The following SUFU variants were observed in gnomAD, a reference collection of about 807,000 sequenced individuals.
The protein encoded by SUFU is suppressor of fused homolog.
A neutral mutation model predicts 58.9 loss-of-function variants in SUFU; 7 were observed. The observed-to-expected ratio is 0.12, with a 90% CI of 0.07 to 0.22. The LOEUF is 0.22. Ranked by LOEUF, SUFU falls within the 10% of genes least tolerant of loss-of-function variation. SUFU has a pLI of 1.00. For missense variants in SUFU, 451 were observed against 641.3 expected (o/e 0.70, Z 3.20); for synonymous variants, 232 against 254.8 (o/e 0.91, Z 0.85).
rs529479248 is a variant in SUFU at position 102,590,130 on chromosome 10, C to T, written c.455-2452C>T. Among the ~76,000 whole-genome samples, 9 of 150,054 alleles carry T rather than the reference C, an allele frequency of 6.0e-5. No homozygotes were observed. The East Asian group carries it at 1.2e-3, about 19-fold the overall frequency. The stretch of plus-strand genomic sequence containing the variant: ...GGTCATTGTGTATAACCACCTCCCC[C>T]CCGACTTTTTCTTTTTTTTTTTCTT... On this transcript the variant is annotated intron_variant, in intron 3 of 11. Coordinates refer to ENST00000369902, the MANE Select transcript of SUFU (RefSeq NM_016169.4).
chr10:102,625,203 C>T lies in SUFU; in HGVS notation c.1297-1972C>T, dbSNP rs117938838. Among the ~76,000 whole-genome samples the T allele has an allele frequency of 2.4e-4, 36 of 152,220 alleles. No homozygotes were observed. In the East Asian group the frequency reaches 6.9e-3, roughly 29 times the overall value. ...AGGGCTTAGGCTGTGAGAGGGAGTA[C>T]GTGTATGGCTGGAGTCTGTGGGCAG... is the stretch of plus-strand genomic sequence containing the variant. On this transcript the variant is annotated intron_variant, in intron 10 of 11. Coordinates refer to ENST00000369902, the MANE Select transcript of SUFU (RefSeq NM_016169.4). The surrounding 1 kb of genome is among the most constrained non-coding windows in gnomAD (Gnocchi z 4.7).
Position 102,619,601 on chromosome 10 carries a change from C to A in SUFU, c.1296+2173C>A. 2 of 760,976 alleles carry A rather than the reference C, an allele frequency of 2.6e-6. No individual in the cohort carries two copies. The highest frequency in any genetic ancestry group is 3.3e-6 in the Non-Finnish European group (2 of 609,162). 47.1% of individuals were successfully genotyped at this position (760,976 alleles called of 1,614,324 possible). ...ACCGAGGGGTTTCTCAGGCCCTTTCCAAGGAGCCCTGGGAAACCCTCTGAC... is the reference window on the plus strand; with the variant it reads ...ACCGAGGGGTTTCTCAGGCCCTTTCAAAGGAGCCCTGGGAAACCCTCTGAC... On this transcript the variant is annotated intron_variant, in intron 10 of 11. Transcript: ENST00000369902. This position sits in a 1 kb window ranked among gnomAD's most constrained non-coding sequence, Gnocchi z 4.2.
intron 8 of SUFU, among the ~76,000 whole-genome samples, chr10:102,607,343 C>G (rs2063572002): frequency 6.6e-6 from 1 of 152,038 alleles, no homozygotes; most frequent in South Asian, 2.1e-4. Context: ...GCCGCCACGC[C>G]CAGCCAATAA....
intron 8 of SUFU, among the ~76,000 whole-genome samples, chr10:102,604,442 G>A (rs564508924): frequency 3.3e-5 from 5 of 152,240 alleles, no homozygotes; most frequent in South Asian, 2.1e-4. Flanking sequence ...ATGAAGTCAC[G>A]GCCATTGTTA....
intron 8 of SUFU, among the ~76,000 whole-genome samples, chr10:102,614,712 C>CT (rs1427593290): frequency 6.6e-6 from 1 of 151,216 alleles, no homozygotes; most frequent in Non-Finnish European, 1.5e-5. Flanking sequence ...CCCGTCTCTA[C>CT]TAAAAAGACA....
intron 6 of SUFU, 84 bp downstream of exon 6, chr10:102,594,149 A>G: frequency 1.4e-6 from 2 of 1,390,776 alleles, no homozygotes; most frequent in South Asian, 1.2e-5. Flanking sequence ...CTGGGAAAAC[A>G]GAGGACCTTT....
intron 3 of SUFU, among the ~76,000 whole-genome samples, chr10:102,576,176 A>G (rs549248973): frequency 3.2e-4 from 48 of 152,186 alleles, no homozygotes; most frequent in African/African-American, 1.0e-3. Context: ...CTATACAGAT[A>G]AAGTCAAAGT....
intron 10 of SUFU, among the ~76,000 whole-genome samples, chr10:102,626,062 G>A (rs1175142343): frequency 6.6e-6 from 1 of 152,188 alleles, no homozygotes; most frequent in Non-Finnish European, 1.5e-5. Flanking sequence ...TGCTCAAGGT[G>A]TACGGGAGAA....
At chr10:102,512,580 G>A (rs1003180418) in intron 2 of SUFU, among the ~76,000 whole-genome samples, 5 of 152,142 alleles carry the variant, frequency 3.3e-5, no homozygotes, top group Non-Finnish European at 5.9e-5. Context: ...CCTCTTACAT[G>A]TGTTTCATTT....
intron 3 of SUFU, among the ~76,000 whole-genome samples, chr10:102,582,030 G>C (rs1053076426): frequency 6.6e-6 from 1 of 152,184 alleles, no homozygotes; most frequent in Non-Finnish European, 1.5e-5. Context: ...GCACAGTCCA[G>C]CTGCGTTTCC....
At chr10:102,514,015 G>A (rs926413466) in intron 2 of SUFU, among the ~76,000 whole-genome samples, 2 of 152,018 alleles carry the variant, frequency 1.3e-5, no homozygotes, top group Admixed American at 1.3e-4. Context: ...CTCCCAAGTA[G>A]CTGGGACCAC....
At chr10:102,518,861 C>T (rs11191313) in intron 2 of SUFU, among the ~76,000 whole-genome samples, 39,293 of 150,934 alleles carry the variant, frequency 0.26, 5,994 homozygotes, top group Non-Finnish European at 0.33. Flanking sequence ...AGGGTCTGGC[C>T]GGGTGCGGTG....
At chr10:102,526,182 G>A (rs1402602882) in intron 2 of SUFU, among the ~76,000 whole-genome samples, 2 of 152,174 alleles carry the variant, frequency 1.3e-5, no homozygotes, top group Non-Finnish European at 2.9e-5. Context: ...CTGATCAGTA[G>A]TGGGATTGTG....
At chr10:102,605,997 C>T (rs1360610154) in intron 8 of SUFU, among the ~76,000 whole-genome samples, 1 of 152,224 alleles carries the variant, frequency 6.6e-6, no homozygotes, top group East Asian at 1.9e-4. Flanking sequence ...CTCCTTTCCA[C>T]CCATGCTGCC....
At chr10:102,509,146 C>T (rs2062367021) in intron 1 of SUFU, 23 bp from the exon 2 acceptor site, 1 of 1,613,684 alleles carries the variant, frequency 6.2e-7, no homozygotes, top group South Asian at 1.1e-5. Context: ...TACACTAACA[C>T]CCCTGTGTTT....
chr10:102,513,298 A>G (rs1001543646), intron 2 of SUFU, among the ~76,000 whole-genome samples: 1 of 152,206 alleles, frequency 6.6e-6, no homozygotes, highest in Non-Finnish European at 1.5e-5. Context: ...ATCCAGCTTA[A>G]GTGCTAAGGG....
chr10:102,509,424 C>A, intron 2 of SUFU, 121 bp downstream of exon 2: 1 of 1,399,822 alleles, frequency 7.1e-7, no homozygotes, highest in Non-Finnish European at 1.0e-6. Context: ...GCATTTCTGC[C>A]CTCTGACTAT....
chr10:102,601,841 C>T (rs2063517298), intron 8 of SUFU, among the ~76,000 whole-genome samples: 1 of 152,238 alleles, frequency 6.6e-6, no homozygotes, highest in Non-Finnish European at 1.5e-5. Flanking sequence ...GTTTGCTCCT[C>T]TCCCTGTTGG....
chr10:102,505,469 G>C (rs1395272455), intron 1 of SUFU, among the ~76,000 whole-genome samples: 1 of 152,198 alleles, frequency 6.6e-6, no homozygotes, highest in Non-Finnish European at 1.5e-5. Context: ...AGCTGCTTGG[G>C]GGTGTAGCCA....
Sources: gnomAD v4.1 joint callset for allele counts (sites outside exome capture counted in the v4.1 genomes callset) on GRCh38, gnomAD v4.1.1 for gene constraint, Gnocchi (gnomAD v3.1) non-coding constraint, MANE v1.5 for transcripts, NCBI Gene and HGNC (gene_info 2026-07-23, HGNC 2026-07-21) for gene names.